The following SPHKAP variants were observed in gnomAD, a reference collection of about 807,000 sequenced individuals.
The protein encoded by SPHKAP is A-kinase anchor protein SPHKAP.
A neutral mutation model predicts 137.5 loss-of-function variants in SPHKAP; 67 were observed. The ratio of observed to expected loss-of-function variants is 0.49; its 90% CI spans 0.40 to 0.60. The LOEUF is 0.60. Among genes scored for constraint, SPHKAP ranks in the 20% least tolerant of loss-of-function variants. The pLI is 0.00. For synonymous variants in SPHKAP, 813 were observed against 785.3 expected (o/e 1.04, Z -0.59); for missense variants, 2,097 against 2,069.3 (o/e 1.01, Z -0.26).
chr2:228,069,293 G>C (rs529328626), intron 3 of SPHKAP, among the ~76,000 whole-genome samples: 6 of 152,242 alleles, frequency 3.9e-5, no homozygotes, highest in African/African-American at 1.2e-4. Context: ...ACTGGGCAAA[G>C]ACATGATGTA....
At chr2:228,179,514 A>T (rs1433009446) in intron 1 of SPHKAP, among the ~76,000 whole-genome samples, 4 of 152,210 alleles carry the variant, frequency 2.6e-5, no homozygotes, top group Non-Finnish European at 4.4e-5. Flanking sequence ...CATGTACAGG[A>T]GTTAATTTAC....
Position 228,073,642 on chromosome 2 carries a change from T to C in SPHKAP, c.246+35190A>G, listed in dbSNP as rs891091909. ...GTATTGCTCAGATTTTAAACTGTGC[T>C]GCAACCTTTTCCGAATTAAATCAAC... is the stretch of plus-strand genomic sequence containing the variant. On this transcript the variant is annotated intron_variant, in intron 3 of 11. Transcript: ENST00000392056. Among the ~76,000 whole-genome samples the C allele has an allele frequency of 1.3e-5, 2 of 152,222 alleles. 1 individual carries two copies. Among genetic ancestry groups the C allele is most frequent in the Non-Finnish European group, 2.9e-5 (2 of 68,038 alleles).
At chr2:227,984,299 CAAA>C (rs61461358) in intron 11 of SPHKAP, among the ~76,000 whole-genome samples, 4 of 52,822 alleles carry the variant, frequency 7.6e-5, no homozygotes, top group Non-Finnish European at 4.0e-5. Context: ...GACTCCATCT[CAAA>C]AAAAAAAAAA....
At position 228,016,583 on chromosome 2, in the gene SPHKAP, C is replaced by G; in HGVS notation, c.4271G>C (p.Arg1424Thr). Residue 1424 changes from arginine (R) to threonine (T), a missense_variant, in exon 7 of 12, where the codon AGG becomes ACG. By Grantham distance (71) the Arg-to-Thr change is moderately conservative. Transcript: ENST00000392056. The part of the protein sequence containing the change: ...INHKRRSLCS[R>T]EVPLIQIETD... ...TTCAATCTGAATCAAAGGCACTTCC[C>G]TCGAGCAAAGTGATCGCCTTTTGTG... 1 of 1,614,112 alleles carries G rather than the reference C, an allele frequency of 6.2e-7. No homozygotes were observed. Among genetic ancestry groups the G allele is most frequent in the Non-Finnish European group, 8.5e-7 (1 of 1,180,016 alleles).
At chr2:228,131,207 G>T (rs1699238684) in intron 2 of SPHKAP, 1 of 715,304 alleles carries the variant, frequency 1.4e-6, no homozygotes, top group Non-Finnish European at 1.7e-6. Context: ...AACAGCATTT[G>T]TGTTAATTTA....
chr2:228,048,432 C>T (rs910468585), intron 3 of SPHKAP, among the ~76,000 whole-genome samples: 1 of 152,100 alleles, frequency 6.6e-6, no homozygotes, highest in African/African-American at 2.4e-5. Flanking sequence ...CTCACCTACT[C>T]CCTCCTGGCT....
intron 3 of SPHKAP, among the ~76,000 whole-genome samples, chr2:228,104,958 G>T (rs552279937): frequency 1.3e-5 from 2 of 152,254 alleles, no homozygotes; most frequent in Admixed American, 1.3e-4. Context: ...AATTTTGCTT[G>T]CTTTCTTTTC....
intron 2 of SPHKAP, among the ~76,000 whole-genome samples, chr2:228,121,952 C>T (rs1364243896): frequency 6.6e-6 from 1 of 152,082 alleles, no homozygotes; most frequent in African/African-American, 2.4e-5. Context: ...GCAGTGTCTA[C>T]TCCAGGCTAC....
intron 11 of SPHKAP, among the ~76,000 whole-genome samples, chr2:227,989,916 C>T (rs1693354111): frequency 6.6e-6 from 1 of 152,094 alleles, no homozygotes; most frequent in Non-Finnish European, 1.5e-5. Context: ...TGCACCTGGC[C>T]TAATCACACA....
At chr2:228,082,644 G>T (rs933916360) in intron 3 of SPHKAP, among the ~76,000 whole-genome samples, 2 of 152,160 alleles carry the variant, frequency 1.3e-5, no homozygotes, top group African/African-American at 4.8e-5. Flanking sequence ...GGCTAAAAAT[G>T]GGTATAAATA....
At chr2:227,998,570 T>G (rs1317660639) in intron 7 of SPHKAP, among the ~76,000 whole-genome samples, 2 of 152,210 alleles carry the variant, frequency 1.3e-5, no homozygotes, top group Non-Finnish European at 2.9e-5. Context: ...GTACCCTGAC[T>G]GTGGAGAATA....
At chr2:228,094,218 C>T (rs759923622) in intron 3 of SPHKAP, among the ~76,000 whole-genome samples, 2 of 151,986 alleles carry the variant, frequency 1.3e-5, no homozygotes, top group African/African-American at 2.4e-5. Context: ...GGGAACCAAC[C>T]GGAATATTTT....
intron 11 of SPHKAP, among the ~76,000 whole-genome samples, chr2:227,983,493 C>T (rs1439983296): frequency 6.6e-6 from 1 of 152,092 alleles, no homozygotes; most frequent in Middle Eastern, 3.2e-3. Context: ...CAGCAATCTC[C>T]CAGCAGAAGG....
chr2:228,073,715 T>C (rs1346548457), intron 3 of SPHKAP, among the ~76,000 whole-genome samples: 4 of 152,198 alleles, frequency 2.6e-5, no homozygotes, highest in African/African-American at 9.6e-5. Context: ...GGTGAACCCT[T>C]AAACCACTGT....
chr2:228,132,012 C>T lies in SPHKAP; in HGVS notation c.106G>A (p.Gly36Ser), dbSNP rs200749427. ...QGRGCGSSGS[G>S]PGNSITACKK... ...CAGGCTGTGATGGAGTTCCCCGGGC[C>T]GCTTCCTGAGCTGCCACAGCCTCTG... is the stretch of plus-strand genomic sequence containing the variant. The change falls in exon 2 of 12, where the codon GGC (glycine) becomes AGC (serine). Residue 36 changes from glycine to serine, a missense_variant. Transcript: ENST00000392056. The T allele has an allele frequency of 1.9e-5, 31 of 1,614,020 alleles. No homozygotes were observed. The highest frequency in any genetic ancestry group is 1.7e-4 in the Middle Eastern group (1 of 6,050).
intron 2 of SPHKAP, among the ~76,000 whole-genome samples, chr2:228,126,099 G>A (rs1003241830): frequency 6.6e-6 from 1 of 151,976 alleles, no homozygotes; most frequent in South Asian, 2.1e-4. Context: ...AAAAAGGAGT[G>A]GTTGTATGAG....
chr2:228,023,628 A>G (rs888003434), intron 5 of SPHKAP, among the ~76,000 whole-genome samples: 1 of 152,102 alleles, frequency 6.6e-6, no homozygotes, highest in Non-Finnish European at 1.5e-5. Context: ...CCGAGTGCCT[A>G]TTGCATGCAA....
intron 3 of SPHKAP, among the ~76,000 whole-genome samples, chr2:228,077,001 T>C (rs1389961093): frequency 6.6e-6 from 1 of 152,156 alleles, no homozygotes; most frequent in Non-Finnish European, 1.5e-5. Flanking sequence ...TCCCAGCTGC[T>C]CTAGCTGTAG....
At chr2:228,055,346 GA>G (rs1000226927) in intron 3 of SPHKAP, among the ~76,000 whole-genome samples, 1 of 152,052 alleles carries the variant, frequency 6.6e-6, no homozygotes, top group African/African-American at 2.4e-5. Flanking sequence ...AAACTAAATG[GA>G]AAACAAAGCA....
Sources: allele counts gnomAD v4.1 joint callset (sites outside exome capture counted in the v4.1 genomes callset), GRCh38; gene constraint gnomAD v4.1.1; transcripts MANE v1.5; gene names NCBI Gene and HGNC (gene_info 2026-07-23, HGNC 2026-07-21).